Variants in PGBD2 observed in about 807,000 individuals in gnomAD.
The protein encoded by PGBD2 is piggyBac transposable element-derived protein 2.
In PGBD2, 6 loss-of-function variants were observed where a neutral mutation model predicts 8.1. The observed-to-expected ratio is 0.74, with a 90% CI of 0.40 to 1.46. PGBD2 has a LOEUF of 1.46. Among genes scored for constraint, PGBD2 ranks in the 40% most tolerant of loss-of-function variants. The pLI, the probability that PGBD2 is intolerant of heterozygous loss-of-function variation, is 0.02. For missense variants in PGBD2, 802 were observed against 739.0 expected (o/e 1.09, Z -0.99); for synonymous variants, 318 against 272.2 (o/e 1.17, Z -1.66).
At chr1:248,874,916 A>AGATAGAT in the PGBD2 span, among the ~76,000 whole-genome samples, 1 of 142,510 alleles carries the variant, frequency 7.0e-6, no homozygotes, top group Non-Finnish European at 1.5e-5. Context: ...ATAGATAGAT[A>AGATAGAT]GATAGATAGA....
chr1:248,900,548 C>T, the PGBD2 span, among the ~76,000 whole-genome samples: 7 of 152,154 alleles, frequency 4.6e-5, no homozygotes, highest in Non-Finnish European at 1.0e-4. Context: ...CAACATCCTT[C>T]ATGTTAAAAA....
chr1:248,874,182 T>G, the PGBD2 span, among the ~76,000 whole-genome samples: 1 of 152,172 alleles, frequency 6.6e-6, no homozygotes, highest in Non-Finnish European at 1.5e-5. Context: ...CAATCATGTT[T>G]CTATAGGAGA....
At chr1:248,875,072 C>T in the PGBD2 span, among the ~76,000 whole-genome samples, 6 of 151,932 alleles carry the variant, frequency 3.9e-5, no homozygotes, top group South Asian at 2.1e-4. Flanking sequence ...CTGAGGTGGG[C>T]GGATCACGAG....
chr1:248,921,910 G>A (rs1662293642), downstream of PGBD2, among the ~76,000 whole-genome samples: 1 of 152,138 alleles, frequency 6.6e-6, no homozygotes, highest in African/African-American at 2.4e-5. Flanking sequence ...GCGAATGGGA[G>A]TTCACTCATG....
chr1:248,927,761 G>C, the PGBD2 span, among the ~76,000 whole-genome samples: 13 of 152,122 alleles, frequency 8.5e-5, no homozygotes, highest in Admixed American at 2.6e-4. Context: ...AACATACACT[G>C]GAATTCTATC....
upstream of PGBD2, among the ~76,000 whole-genome samples, chr1:248,904,451 G>C (rs1176552178): frequency 1.3e-5 from 2 of 151,940 alleles, no homozygotes; most frequent in Non-Finnish European, 2.9e-5. Context: ...ACTTGGTCCC[G>C]ATCTTTTTAT....
At chr1:248,873,075 G>A in the PGBD2 span, among the ~76,000 whole-genome samples, 4 of 152,188 alleles carry the variant, frequency 2.6e-5, no homozygotes, top group Non-Finnish European at 4.4e-5. Flanking sequence ...TTGGGGCTTT[G>A]TCTATTTACC....
At chr1:248,912,864 T>C (rs61337233) in intron 1 of PGBD2, 7,983 of 148,716 alleles carry the variant, frequency 0.054, 614 homozygotes, top group African/African-American at 0.17. Flanking sequence ...AGTGTAATGG[T>C]GCGATCTCGG....
the PGBD2 span, among the ~76,000 whole-genome samples, chr1:248,897,761 T>A: frequency 6.6e-6 from 1 of 152,102 alleles, no homozygotes; most frequent in Non-Finnish European, 1.5e-5. Context: ...CACAAAACCT[T>A]ACCAGCTAAG....
chr1:248,889,617 C>T, the PGBD2 span, among the ~76,000 whole-genome samples: 2 of 152,076 alleles, frequency 1.3e-5, no homozygotes, highest in Non-Finnish European at 2.9e-5. Context: ...AAAGAGCAGA[C>T]AGTAAAACAC....
downstream of PGBD2, among the ~76,000 whole-genome samples, chr1:248,920,133 T>A (rs1218193268): frequency 3.9e-5 from 6 of 151,984 alleles, no homozygotes. Flanking sequence ...CACCTCAGCC[T>A]CCCAGTATAT....
the PGBD2 span, among the ~76,000 whole-genome samples, chr1:248,892,374 C>T: frequency 7.3e-5 from 11 of 150,718 alleles, no homozygotes; most frequent in Admixed American, 1.3e-4. Flanking sequence ...TCTACCCTGA[C>T]GATGTAACGG....
chr1:248,918,237 G>T lies in PGBD2; in HGVS notation c.1653G>T (p.Gly551=). ...LETESRFDMI[G]HWIIHQDKRT... ...CTGAGAGCCGCTTCGATATGATTGG[G>T]CACTGGATTATCCATCAGGACAAGA... Residue 551 remains glycine (G), a synonymous_variant, in exon 3 of 3, where the codon GGG becomes GGT. Transcript: ENST00000329291. 1 of 1,614,086 alleles carries T rather than the reference G, an allele frequency of 6.2e-7. No homozygotes were observed. Among genetic ancestry groups the T allele is most frequent in the Non-Finnish European group, 8.5e-7 (1 of 1,179,958 alleles).
chr1:248,893,907 C>G, the PGBD2 span, among the ~76,000 whole-genome samples: 1 of 152,056 alleles, frequency 6.6e-6, no homozygotes, highest in Admixed American at 6.6e-5. Flanking sequence ...ACATTCTTTT[C>G]TTTTTTGTTA....
At chr1:248,884,762 G>A in the PGBD2 span, among the ~76,000 whole-genome samples, 85 of 152,338 alleles carry the variant, frequency 5.6e-4, no homozygotes, top group African/African-American at 1.9e-3. Context: ...AGTTGAATGA[G>A]TAAAGCTCTG....
At chr1:248,874,940 A>G in the PGBD2 span, among the ~76,000 whole-genome samples, 4 of 151,092 alleles carry the variant, frequency 2.6e-5, no homozygotes, top group Non-Finnish European at 5.9e-5. Context: ...ATAGATAGAT[A>G]GATAGATAGA....
At chr1:248,889,079 G>T in the PGBD2 span, among the ~76,000 whole-genome samples, 1 of 152,162 alleles carries the variant, frequency 6.6e-6, no homozygotes, top group African/African-American at 2.4e-5. Flanking sequence ...TAACAAGAAT[G>T]ATAAAAATAA....
the PGBD2 span, among the ~76,000 whole-genome samples, chr1:248,893,699 G>T: frequency 2.0e-5 from 3 of 152,130 alleles, no homozygotes; most frequent in African/African-American, 7.2e-5. Flanking sequence ...TACTATCAAT[G>T]GGAGTGCAAA....
the PGBD2 span, among the ~76,000 whole-genome samples, chr1:248,900,015 C>G: frequency 6.7e-6 from 1 of 150,226 alleles, no homozygotes; most frequent in African/African-American, 2.5e-5. Context: ...ATACACCCTC[C>G]CAAGACTGAA....
Sources: gnomAD v4.1 joint callset for allele counts (sites outside exome capture counted in the v4.1 genomes callset) on GRCh38, gnomAD v4.1.1 for gene constraint, MANE v1.5 for transcripts, NCBI Gene and HGNC (gene_info 2026-07-23, HGNC 2026-07-21) for gene names.